DIPK1C: variants seen among roughly 807,000 people sequenced by gnomAD.
DIPK1C encodes divergent protein kinase domain 1C, also known as familial non-conventional Alzheimer's dementia.
Under a neutral mutation model 28.0 loss-of-function variants are expected in DIPK1C, and 33 were observed. That is an observed-to-expected ratio of 1.18 (90% CI 0.89 to 1.58). The LOEUF is 1.58. Among genes scored for constraint, DIPK1C ranks in the 40% most tolerant of loss-of-function variants. The probability of loss-of-function intolerance (pLI) is 0.00; values close to 1 mark genes in which losing one functional copy is unlikely to be tolerated. For synonymous variants in DIPK1C, 255 were observed against 248.8 expected (o/e 1.02, Z -0.23); for missense variants, 569 against 568.5 (o/e 1.00, Z -0.01).
upstream of DIPK1C, among the ~76,000 whole-genome samples, chr18:74,457,589 T>C (rs891946561): frequency 5.3e-5 from 8 of 152,158 alleles, no homozygotes; most frequent in Non-Finnish European, 1.2e-4. Flanking sequence ...CCTCTCTCTT[T>C]GGGGACTGAT....
chr18:74,456,997 C>A, intron 1 of DIPK1C, 65 bp downstream of exon 1: 1 of 1,335,012 alleles, frequency 7.5e-7, no homozygotes, highest in Non-Finnish European at 9.6e-7. Flanking sequence ...GGCTGGGGAC[C>A]GGGAGCGGGT....
At chr18:74,442,844 C>T (rs1443174551) in intron 2 of DIPK1C, among the ~76,000 whole-genome samples, 1 of 152,162 alleles carries the variant, frequency 6.6e-6, no homozygotes, top group Non-Finnish European at 1.5e-5. Flanking sequence ...GGGTCTGTGA[C>T]CTTCAAGATT....
Position 74,446,863 on chromosome 18 carries a change from G to A in DIPK1C, c.619C>T (p.Pro207Ser), listed in dbSNP as rs556607927. ...VYFSLLQDLS[P>S]HVLPVLGSCG... ...GAACCCAGCACGGGCAGCACGTGTG[G>A]GCTCAGGTCCTGCAGCAGGCTGAAG... is the stretch of plus-strand genomic sequence containing the variant. Residue 207 changes from proline to serine, a missense_variant, in exon 2 of 4, where the codon CCA (proline) becomes TCA (serine). Pro to Ser is a moderately conservative substitution (Grantham distance 74). Coordinates refer to ENST00000343998, the MANE Select transcript of DIPK1C (RefSeq NM_001044369.3). The A allele has an allele frequency of 2.0e-6, 3 of 1,517,488 alleles. No homozygotes were observed. Among genetic ancestry groups the A allele is most frequent in the Admixed American group, 2.1e-5 (1 of 47,126 alleles). 94.0% of individuals were successfully genotyped at this position (1,517,488 alleles called of 1,614,324 possible). A position where few individuals can be genotyped will look rare whatever the true frequency, so the allele number is the denominator to read the frequency against.
upstream of DIPK1C, among the ~76,000 whole-genome samples, chr18:74,460,179 G>A (rs1055259115): frequency 6.6e-6 from 1 of 152,212 alleles, no homozygotes; most frequent in Non-Finnish European, 1.5e-5. Context: ...GATGTCCTCC[G>A]AGTTCCCGAC....
chr18:74,452,682 A>C (rs553503426), intron 1 of DIPK1C, among the ~76,000 whole-genome samples: 3 of 152,184 alleles, frequency 2.0e-5, no homozygotes, highest in Non-Finnish European at 4.4e-5. Context: ...TGGGAGGTAG[A>C]GGCTGCAGTG....
At chr18:74,446,475 T>G in intron 2 of DIPK1C, 131 bp downstream of exon 2, 2 of 804,880 alleles carry the variant, frequency 2.5e-6, no homozygotes, top group South Asian at 8.7e-5. Context: ...TAGGTGGGAG[T>G]TCTCTAAGGC....
chr18:74,446,493 G>A (rs1986263254), intron 2 of DIPK1C, 113 bp downstream of exon 2: 3 of 1,060,206 alleles, frequency 2.8e-6, no homozygotes, highest in Non-Finnish European at 2.5e-6. Flanking sequence ...GGCTGCAGAA[G>A]CAACAGTAGT....
chr18:74,437,868 T>C (rs1461755745), intron 3 of DIPK1C, among the ~76,000 whole-genome samples: 1 of 152,180 alleles, frequency 6.6e-6, no homozygotes, highest in East Asian at 1.9e-4. Flanking sequence ...CACCCCCATT[T>C]ATATGAGGGA....
At chr18:74,437,604 T>C (rs541741549) in intron 3 of DIPK1C, among the ~76,000 whole-genome samples, 34 of 152,300 alleles carry the variant, frequency 2.2e-4, no homozygotes, top group African/African-American at 7.7e-4. Flanking sequence ...GACAAAAACC[T>C]TCAACTTCCA....
intron 3 of DIPK1C, among the ~76,000 whole-genome samples, chr18:74,439,944 CT>C (rs11350643): frequency 0.39 from 50,027 of 129,036 alleles, 6,974 homozygotes; most frequent in East Asian, 0.65. Flanking sequence ...GGATCGTATA[CT>C]TTTTTTTTTT....
intron 1 of DIPK1C, among the ~76,000 whole-genome samples, chr18:74,448,260 C>T (rs1197828883): frequency 1.3e-5 from 2 of 151,998 alleles, no homozygotes; most frequent in Admixed American, 1.3e-4. Context: ...TTTCCTAATC[C>T]CGCCCATTTC....
chr18:74,447,170 C>T lies in DIPK1C; in HGVS notation c.312G>A (p.Leu104=), dbSNP rs1218511579. The T allele has an allele frequency of 1.1e-5, 17 of 1,550,452 alleles. No homozygotes were observed. The highest frequency in any genetic ancestry group is 1.5e-5 in the Non-Finnish European group (17 of 1,146,996). The change falls in exon 2 of 4, where the codon CTG becomes CTA. Residue 104 remains leucine, a synonymous_variant. Transcript: ENST00000343998. This position sits in a 1 kb window ranked among gnomAD's most constrained non-coding sequence, Gnocchi z 4.1. ...CGGGCCGGCCGCGCCAGTCGGCCTGCAGCACCTTCTTGCCTCTGTTGTAGT... is the reference window on the plus strand; with the variant it reads ...CGGGCCGGCCGCGCCAGTCGGCCTGTAGCACCTTCTTGCCTCTGTTGTAGT... ...CLHYNRGKKV[L]QADWRGRPVV...
At chr18:74,446,471 G>T in intron 2 of DIPK1C, 135 bp downstream of exon 2, 1 of 750,518 alleles carries the variant, frequency 1.3e-6, no homozygotes, top group African/African-American at 1.8e-5. Flanking sequence ...CTGGTAGGTG[G>T]GAGTTCTCTA....
intron 2 of DIPK1C, among the ~76,000 whole-genome samples, chr18:74,443,344 T>C (rs1290876751): frequency 2.0e-5 from 3 of 152,158 alleles, no homozygotes; most frequent in South Asian, 2.1e-4. Flanking sequence ...ACTAGGACAG[T>C]TGATGAATTT....
upstream of DIPK1C, among the ~76,000 whole-genome samples, chr18:74,462,006 C>T (rs546062505): frequency 3.9e-5 from 6 of 152,352 alleles, no homozygotes; most frequent in African/African-American, 1.4e-4. Flanking sequence ...AAGGGATCCT[C>T]CTGCCTTGGC....
At chr18:74,451,434 G>A (rs887734176) in intron 1 of DIPK1C, among the ~76,000 whole-genome samples, 6 of 152,100 alleles carry the variant, frequency 3.9e-5, no homozygotes, top group Non-Finnish European at 7.4e-5. Context: ...TTAAATCATG[G>A]CCATGTGAGT....
intron 1 of DIPK1C, among the ~76,000 whole-genome samples, chr18:74,448,267 T>C (rs996111823): frequency 1.3e-5 from 2 of 151,930 alleles, no homozygotes; most frequent in Non-Finnish European, 2.9e-5. Flanking sequence ...ATCCCGCCCA[T>C]TTCCCCGACA....
chr18:74,455,193 G>C (rs1285682242), intron 1 of DIPK1C, among the ~76,000 whole-genome samples: 1 of 152,098 alleles, frequency 6.6e-6, no homozygotes, highest in Non-Finnish European at 1.5e-5. Flanking sequence ...TGGAATGCTG[G>C]GAAAGTCATG....
rs1286391091 is a variant in DIPK1C, at chr18:74,457,267, C to T, written c.-8G>A. Reference sequence around the variant, plus strand: ...GCCCGCCGCCCGCGCCATGGCCAGCCCTGCCCGCGCCCGGGCCCCACCGCC... The same window carrying T: ...GCCCGCCGCCCGCGCCATGGCCAGCTCTGCCCGCGCCCGGGCCCCACCGCC... On this transcript the variant is annotated 5_prime_UTR_variant, in exon 1 of 4. Coordinates refer to ENST00000343998, the MANE Select transcript of DIPK1C (RefSeq NM_001044369.3). The T allele has an allele frequency of 6.3e-5, 62 of 989,406 alleles. No homozygotes were observed. Among genetic ancestry groups the T allele is most frequent in the Non-Finnish European group, 7.4e-5 (62 of 833,894 alleles). The allele number at this position is 989,406 out of a possible 1,614,324, so 61.3% of individuals were successfully genotyped here. A position where few individuals can be genotyped will look rare whatever the true frequency, so the allele number is the denominator to read the frequency against.
Sources: gnomAD v4.1 joint callset for allele counts (sites outside exome capture counted in the v4.1 genomes callset) on GRCh38, gnomAD v4.1.1 for gene constraint, Gnocchi (gnomAD v3.1) non-coding constraint, MANE v1.5 for transcripts, NCBI Gene and HGNC (gene_info 2026-07-23, HGNC 2026-07-21) for gene names.